Variants in PDC observed in about 807,000 individuals in gnomAD.
PDC encodes phosducin.
PDC carries 19 observed loss-of-function variants against 22.2 expected under a neutral mutation model. The observed-to-expected ratio is 0.86, with a 90% CI of 0.60 to 1.26. The LOEUF (loss-of-function observed/expected upper bound fraction) is 1.26, where lower values mean the gene tolerates loss of function less well. Ranked by LOEUF, PDC falls within the 50% of genes most tolerant of loss-of-function variation. The pLI, the probability that PDC is intolerant of heterozygous loss-of-function variation, is 0.00. For synonymous variants in PDC, 97 were observed against 96.2 expected, an observed-to-expected ratio of 1.01 and a Z score of -0.05; for missense variants, 274 against 286.8, an observed-to-expected ratio of 0.96 and a Z score of 0.32.
At chr1:186,452,469 C>A (rs1019173084) in intron 1 of PDC, among the ~76,000 whole-genome samples, 2 of 152,050 alleles carry the variant, frequency 1.3e-5, no homozygotes, top group African/African-American at 2.4e-5. Context: ...ATCGCCTGAC[C>A]ACAAGTGAAC....
intron 1 of PDC, among the ~76,000 whole-genome samples, chr1:186,458,775 A>G (rs1662520985): frequency 6.6e-6 from 1 of 152,218 alleles, no homozygotes; most frequent in Non-Finnish European, 1.5e-5. Flanking sequence ...GTCTCCTGGA[A>G]TATGAGAAAA....
chr1:186,452,579 A>G (rs1208304582), intron 1 of PDC, among the ~76,000 whole-genome samples: 1 of 152,206 alleles, frequency 6.6e-6, no homozygotes, highest in African/African-American at 2.4e-5. Context: ...AGGTGCTTCA[A>G]TTTCGGCACA....
At chr1:186,458,025 C>A (rs967243278) in intron 1 of PDC, among the ~76,000 whole-genome samples, 33 of 152,100 alleles carry the variant, frequency 2.2e-4, no homozygotes, top group African/African-American at 7.7e-4. Flanking sequence ...TGGGACTGGG[C>A]AGGGGAGTTG....
chr1:186,448,516 T>G (rs142358592), intron 2 of PDC: 1 of 165,600 alleles, frequency 6.0e-6, no homozygotes, highest in East Asian at 1.9e-4. Flanking sequence ...TTGTTCCTGG[T>G]GACCTTTACC....
intron 1 of PDC, among the ~76,000 whole-genome samples, chr1:186,453,659 G>A (rs1484161621): frequency 2.6e-5 from 4 of 152,102 alleles, no homozygotes; most frequent in Admixed American, 2.6e-4. Flanking sequence ...CTTTGAGGAT[G>A]GAGGCAATTT....
intron 1 of PDC, among the ~76,000 whole-genome samples, chr1:186,452,077 T>G (rs1347295877): frequency 6.6e-6 from 1 of 152,188 alleles, no homozygotes; most frequent in Non-Finnish European, 1.5e-5. Flanking sequence ...TTTGCACTGC[T>G]TAAAGCACCT....
At chr1:186,454,265 C>T (rs956635464) in intron 1 of PDC, among the ~76,000 whole-genome samples, 3 of 150,538 alleles carry the variant, frequency 2.0e-5, no homozygotes, top group African/African-American at 7.4e-5. Context: ...TTCTGCCTCC[C>T]GGGTCCCTGT....
At chr1:186,454,097 C>T (rs548839844) in intron 1 of PDC, among the ~76,000 whole-genome samples, 38 of 151,392 alleles carry the variant, frequency 2.5e-4, no homozygotes, top group Admixed American at 4.6e-4. Context: ...GATATATTTT[C>T]GCTTTGGATT....
At chr1:186,451,081 A>G (rs1317357665) in intron 1 of PDC, 1 of 152,190 alleles carries the variant, frequency 6.6e-6, no homozygotes, top group Non-Finnish European at 1.5e-5. Flanking sequence ...GGGTGGTAAC[A>G]CAGAACTCTT....
At chr1:186,447,295 C>T (rs1662253533) in intron 2 of PDC, among the ~76,000 whole-genome samples, 1 of 151,952 alleles carries the variant, frequency 6.6e-6, no homozygotes, top group African/African-American at 2.4e-5. Flanking sequence ...ACTACAGGCG[C>T]ATACCACCAC....
intron 1 of PDC, among the ~76,000 whole-genome samples, chr1:186,452,610 T>C (rs1262902977): frequency 6.6e-6 from 1 of 152,222 alleles, no homozygotes; most frequent in Admixed American, 6.5e-5. Context: ...TCTATGAGTC[T>C]GTTAGATAAA....
At chr1:186,459,935 A>C (rs1662548078) in intron 1 of PDC, among the ~76,000 whole-genome samples, 1 of 151,108 alleles carries the variant, frequency 6.6e-6, no homozygotes, top group Admixed American at 6.6e-5. Context: ...AAAAAAAACC[A>C]ATTGAAAGAA....
chr1:186,449,497 A>G lies in PDC; in HGVS notation c.-24-14T>C. 7.8e-7 allele frequency: 1 copy of G among 1,274,350 alleles called. No individual in the cohort carries two copies. Among genetic ancestry groups the G allele is most frequent in the Non-Finnish European group, 1.1e-6 (1 of 878,452 alleles). 78.9% of individuals were successfully genotyped at this position (1,274,350 alleles called of 1,614,324 possible). ...ATTTGATATAATCTATAGGAGGAACAAAGAAATAATAATGACACAAGAATT... is the reference window on the plus strand; with the variant it reads ...ATTTGATATAATCTATAGGAGGAACGAAGAAATAATAATGACACAAGAATT... On this transcript the variant is annotated splice_polypyrimidine_tract_variant and intron_variant, in intron 1 of 3. Transcript: ENST00000391997.
chr1:186,458,129 C>G (rs1326967798), intron 1 of PDC, among the ~76,000 whole-genome samples: 1 of 151,124 alleles, frequency 6.6e-6, no homozygotes, highest in Non-Finnish European at 1.5e-5. Flanking sequence ...AAAAAATTTA[C>G]TCTGGAAATA....
intron 1 of PDC, among the ~76,000 whole-genome samples, chr1:186,455,648 C>T (rs1167116041): frequency 6.6e-6 from 1 of 151,626 alleles, no homozygotes; most frequent in African/African-American, 2.4e-5. Flanking sequence ...TCCTGGGATG[C>T]CACAGAAGAG....
intron 1 of PDC, among the ~76,000 whole-genome samples, chr1:186,450,291 C>A (rs1662324399): frequency 6.6e-6 from 1 of 151,966 alleles, no homozygotes; most frequent in Admixed American, 6.6e-5. Context: ...CAGTAGCCAC[C>A]AAGCAAATGG....
chr1:186,451,464 G>T (rs914274648), intron 1 of PDC, among the ~76,000 whole-genome samples: 1 of 152,042 alleles, frequency 6.6e-6, no homozygotes, highest in Admixed American at 6.6e-5. Flanking sequence ...ACAAAACAAA[G>T]AAATGGAAAT....
At position 186,444,305 on chromosome 1, in the gene PDC, GAAC is replaced by G. The variant is rs374625049; in HGVS notation, c.412_414del (p.Val138del). 627 of 1,613,722 alleles carry G rather than the reference GAAC, an allele frequency of 3.9e-4. 2 individuals are homozygous for G. In the African/African-American group the frequency reaches 7.2e-3, roughly 19 times the overall value. On this transcript the variant is annotated inframe_deletion, in exon 4 of 4. Transcript: ENST00000391997. The stretch of plus-strand genomic sequence containing the variant: ...CCCTTAATACCATCTTCATAAATGT[GAAC>G]AACAATTGTGGTGATCTTCAGTTCC...
At chr1:186,446,659 G>T in intron 2 of PDC, 82 bp from the exon 3 acceptor site, 1 of 809,744 alleles carries the variant, frequency 1.2e-6, no homozygotes, top group Non-Finnish European at 1.9e-6. Context: ...TGTAAGTATT[G>T]TCATGGAATA....
Sources: gnomAD v4.1 joint callset for allele counts (sites outside exome capture counted in the v4.1 genomes callset) on GRCh38, gnomAD v4.1.1 for gene constraint, MANE v1.5 for transcripts, NCBI Gene and HGNC (gene_info 2026-07-23, HGNC 2026-07-21) for gene names.